Variants in NOTCH3 observed in about 807,000 individuals in gnomAD.
The protein encoded by NOTCH3 is notch receptor 3, also known as neurogenic locus notch homolog protein 3.
NOTCH3 carries 86 observed loss-of-function variants against 213.3 expected under a neutral mutation model. The ratio of observed to expected loss-of-function variants is 0.40; its 90% CI spans 0.34 to 0.48. The LOEUF (loss-of-function observed/expected upper bound fraction) is 0.48, where lower values mean the gene tolerates loss of function less well. NOTCH3 is among the 20% of genes least tolerant of loss of function. The pLI is 0.57. For missense variants in NOTCH3, 2,783 were observed against 3,272.6 expected, an observed-to-expected ratio of 0.85 and a Z score of 3.65; for synonymous variants, 1,354 against 1,355.9, an observed-to-expected ratio of 1.00 and a Z score of 0.03.
rs1289221347 is a variant in NOTCH3, at chr19:15,187,242, CAT to C, written c.1701_1702del (p.Ala569LeufsTer53). On this transcript the variant is annotated frameshift_variant, in exon 11 of 33. Transcript: ENST00000263388. LOFTEE classifies it high-confidence loss of function. ...GCCCGTGTAGCCAGGAGCACAGGCACATGAGAAGCTGGCGATGCCATCCACGC... is the reference window on the plus strand; with the variant it reads ...GCCCGTGTAGCCAGGAGCACAGGCACGAGAAGCTGGCGATGCCATCCACGC... 1 of 1,614,160 alleles carries C rather than the reference CAT, an allele frequency of 6.2e-7. No individual in the cohort carries two copies. The highest frequency in any genetic ancestry group is 1.1e-5 in the South Asian group (1 of 91,090).
At chr19:15,197,462 ACACAGGG>A in intron 2 of NOTCH3, 31 bp downstream of exon 2, 2 of 623,576 alleles carry the variant, frequency 3.2e-6, no homozygotes, top group Non-Finnish European at 5.6e-6. Context: ...CCGCCCCCAC[ACACAGGG>A]CCCACTGGTG....
chr19:15,160,937 G>T lies in NOTCH3; in HGVS notation c.6691C>A (p.Pro2231Thr). 1 of 1,598,058 alleles carries T rather than the reference G, an allele frequency of 6.3e-7. No homozygotes were observed. ...YPAAGAHSSPPKARFLRVPSE... is the reference protein window; with the variant it reads ...YPAAGAHSSPTKARFLRVPSE... ...GGAACCCGCAGGAAGCGGGCCTTTG[G>T]GGGGCTGCTGTGTGCCCCAGCCGCC... is the stretch of plus-strand genomic sequence containing the variant. The change falls in exon 33 of 33, where the codon CCA becomes ACA. Residue 2231 changes from proline (P) to threonine (T), a missense_variant. Pro to Thr is a conservative substitution (Grantham distance 38). Transcript: ENST00000263388.
chr19:15,191,311 G>C, intron 6 of NOTCH3, 113 bp downstream of exon 6: 1 of 974,598 alleles, frequency 1.0e-6, no homozygotes, highest in South Asian at 1.4e-5. Context: ...ATGATTACAG[G>C]CATGAGCCAC....
chr19:15,192,056 C>T lies in NOTCH3; in HGVS notation c.583G>A (p.Glu195Lys), dbSNP rs1599394696. The T allele has an allele frequency of 6.2e-7, 1 of 1,613,094 alleles. No individual in the cohort carries two copies. The stretch of plus-strand genomic sequence containing the variant: ...GGTGCACAGGGCACCGCGGGGTTCT[C>T]ACATAGTGGCCCTGTGTAGCCAGCT... ...CPAGYTGPLC[E>K]NPAVPCAPSP... is the part of the protein sequence containing the mutation. Residue 195 changes from glutamate to lysine, a missense_variant, in exon 4 of 33, where the codon GAG becomes AAG. Physicochemically the swap from Glu to Lys is moderately conservative, Grantham distance 56. This residue lies in a region of NOTCH3 where 708 missense variants were observed against 906.6 expected (regional missense o/e 0.78). Transcript: ENST00000263388.
At chr19:15,188,138 T>G (rs1029788773) in intron 9 of NOTCH3, 97 bp downstream of exon 9, 1 of 1,084,944 alleles carries the variant, frequency 9.2e-7, no homozygotes, top group Non-Finnish European at 1.4e-6. Context: ...GTTTCTATTG[T>G]AAGTTATCCG....
intron 31 of NOTCH3, among the ~76,000 whole-genome samples, chr19:15,163,270 T>C (rs984356119): frequency 6.6e-6 from 1 of 152,190 alleles, no homozygotes; most frequent in African/African-American, 2.4e-5. Context: ...GGGGAAAGAA[T>C]GGTCTTCTCA....
chr19:15,189,195 G>A (rs761878838), intron 7 of NOTCH3, 21 bp from the exon 8 acceptor site: 26 of 1,613,184 alleles, frequency 1.6e-5, no homozygotes, highest in Non-Finnish European at 2.0e-5. Context: ...GAGTGCGATC[G>A]GTGTGGGCGT....
intron 32 of NOTCH3, 69 bp downstream of exon 32, chr19:15,162,396 T>C: frequency 9.7e-7 from 1 of 1,025,770 alleles, no homozygotes. Context: ...TCTCACTCTG[T>C]TGCCCAGGCT....
chr19:15,180,227 C>T lies in NOTCH3; in HGVS notation c.3172G>A (p.Gly1058Ser). ...CTGTCTTCATCCACACACTGCCCAC[C>T]CGCCTGACACAGCTGCTCCAGCCGC... is the stretch of plus-strand genomic sequence containing the variant. ...GVRLEQLCQA[G>S]GQCVDEDSSH... Residue 1058 changes from glycine to serine, a missense_variant, in exon 20 of 33, where the codon GGT becomes AGT. Gly to Ser is a moderately conservative substitution (Grantham distance 56). Transcript: ENST00000263388. 1 of 1,613,784 alleles carries T rather than the reference C, an allele frequency of 6.2e-7. No individual in the cohort carries two copies. The highest frequency in any genetic ancestry group is 8.5e-7 in the Non-Finnish European group (1 of 1,180,012).
chr19:15,176,787 A>G (rs1009450299), intron 24 of NOTCH3, among the ~76,000 whole-genome samples: 1 of 146,542 alleles, frequency 6.8e-6, no homozygotes, highest in African/African-American at 2.6e-5. Context: ...AAAAAAAAAA[A>G]AGGAGCCAGG....
intron 17 of NOTCH3, 145 bp from the exon 18 acceptor site, chr19:15,181,307 A>G (rs1348872020): frequency 1.7e-5 from 14 of 817,230 alleles, no homozygotes; most frequent in Non-Finnish European, 4.1e-6. Context: ...GCAGAAGCCA[A>G]TCAGGTCCCT....
chr19:15,180,084 G>GC lies in NOTCH3; in HGVS notation c.3314dup (p.Tyr1106LeufsTer4). ...AGCGCCCCCTTACCTCACACATGTAGCCCCCCATATAGCCACGGCAGGTCC... is the reference window on the plus strand; with the variant it reads ...AGCGCCCCCTTACCTCACACATGTAGCCCCCCCATATAGCCACGGCAGGTCC... On this transcript the variant is annotated frameshift_variant, in exon 20 of 33. Coordinates refer to ENST00000263388, the MANE Select transcript of NOTCH3 (RefSeq NM_000435.3). LOFTEE classifies it high-confidence loss of function. The GC allele has an allele frequency of 2.5e-6, 4 of 1,609,520 alleles. No individual in the cohort carries two copies. The highest frequency in any genetic ancestry group is 3.4e-6 in the Non-Finnish European group (4 of 1,177,570).
rs1176015815 is a variant in NOTCH3 at position 15,170,678 on chromosome 19, G to A, written c.4884C>T (p.Asp1628=). Residue 1628 remains aspartate (D), a synonymous_variant, in exon 26 of 33, where the codon GAC becomes GAT. Coordinates refer to ENST00000263388, the MANE Select transcript of NOTCH3 (RefSeq NM_000435.3). ...ERLDFPYPLR[D]VRGEPLEPPE... ...CCCAAGGCAGGGCCGCACCCCGCAC[G>A]TCCCGCAGTGGGTACGGGAAGTCCA... is the stretch of plus-strand genomic sequence containing the variant. 1.5e-6 allele frequency: 2 copies of A among 1,355,868 alleles called. No homozygotes were observed. The highest frequency in any genetic ancestry group is 1.2e-5 in the South Asian group (1 of 82,460). The allele number at this position is 1,355,868 out of a possible 1,614,324, so 84.0% of individuals were successfully genotyped here.
Position 15,177,605 on chromosome 19 carries a change from G to C in NOTCH3, c.4323C>G (p.Arg1441=). ...LQCWRLFNNS[R]CDPACSSPAC... is the part of the protein sequence containing the mutation. ...CGGGCGAGCTGCAGGCGGGGTCGCAGCGGCTGTTGTTGAAGAGGCGCCAGC... is the reference window on the plus strand; with the variant it reads ...CGGGCGAGCTGCAGGCGGGGTCGCACCGGCTGTTGTTGAAGAGGCGCCAGC... The change falls in exon 24 of 33, where the codon CGC becomes CGG. Residue 1441 remains arginine, a synonymous_variant. Coordinates refer to ENST00000263388, the MANE Select transcript of NOTCH3 (RefSeq NM_000435.3). 1 of 1,596,710 alleles carries C rather than the reference G, an allele frequency of 6.3e-7. No homozygotes were observed.
chr19:15,189,015 C>T lies in NOTCH3; in HGVS notation c.1352G>A (p.Gly451Asp). ...TGCCATACAGATACAGGTGAACTGGCCTATGCGGTCGAGGCACGTGGCCTG... is the reference window on the plus strand; with the variant it reads ...TGCCATACAGATACAGGTGAACTGGTCTATGCGGTCGAGGCACGTGGCCTG... ...RNQATCLDRI[G>D]QFTCICMAGF... Residue 451 changes from glycine to aspartate, a missense_variant, in exon 8 of 33, where the codon GGC becomes GAC. This residue lies in a region of NOTCH3 where 708 missense variants were observed against 906.6 expected (regional missense o/e 0.78). Transcript: ENST00000263388. The T allele has an allele frequency of 6.2e-7, 1 of 1,611,806 alleles. No individual in the cohort carries two copies. Among genetic ancestry groups the T allele is most frequent in the South Asian group, 1.1e-5 (1 of 90,852 alleles).
In NOTCH3 at chr19:15,189,283, C is replaced by G; in HGVS notation, c.1182G>C (p.Glu394Asp). The G allele has an allele frequency of 6.2e-7, 1 of 1,614,098 alleles. No homozygotes were observed. The highest frequency in any genetic ancestry group is 8.5e-7 in the Non-Finnish European group (1 of 1,180,034). ...TGGACDQDVD[E>D]CSIGANPCEH... is the part of the protein sequence containing the mutation. ...TGGAGCTCCCCTCACCGATAGAGCA[C>G]TCGTCCACATCCTGGTCACATGCCC... Residue 394 changes from glutamate (E) to aspartate (D), a missense_variant, in exon 7 of 33, where the codon GAG (glutamate) becomes GAC (aspartate). Glu to Asp is a conservative substitution (Grantham distance 45, BLOSUM62 2). Coordinates refer to ENST00000263388, the MANE Select transcript of NOTCH3 (RefSeq NM_000435.3).
chr19:15,176,237 C>T (rs1482005719), intron 24 of NOTCH3, among the ~76,000 whole-genome samples: 2 of 146,830 alleles, frequency 1.4e-5, no homozygotes, highest in African/African-American at 5.1e-5. Context: ...GGCACGATCT[C>T]AGCTCACCTC....
intron 16 of NOTCH3, among the ~76,000 whole-genome samples, chr19:15,182,910 G>A (rs1163061285): frequency 6.6e-6 from 1 of 152,032 alleles, no homozygotes; most frequent in Non-Finnish European, 1.5e-5. Flanking sequence ...CCAAAGTGCT[G>A]GGATTACCGG....
chr19:15,180,176 C>T lies in NOTCH3; in HGVS notation c.3223G>A (p.Gly1075Ser), dbSNP rs1023734747. Residue 1075 changes from glycine (G) to serine (S), a missense_variant, in exon 20 of 33, where the codon GGC becomes AGC. Gly to Ser is a moderately conservative substitution (Grantham distance 56). Coordinates refer to ENST00000263388, the MANE Select transcript of NOTCH3 (RefSeq NM_000435.3). The part of the protein sequence containing the change: ...DSSHYCVCPE[G>S]RTGSHCEQEV... ...TGCTCACAGTGGCTACCAGTACGGC[C>T]CTCTGGGCACACGCAGTAGTGGGAG... The T allele has an allele frequency of 3.7e-6, 6 of 1,613,858 alleles. No homozygotes were observed. In the Admixed American group the frequency reaches 1.0e-4, roughly 27 times the overall value.
Sources: gnomAD v4.1 joint callset for allele counts (sites outside exome capture counted in the v4.1 genomes callset) on GRCh38, gnomAD v4.1.1 for gene constraint, gnomAD v4.1.1 regional missense constraint, MANE v1.5 for transcripts, NCBI Gene and HGNC (gene_info 2026-07-23, HGNC 2026-07-21) for gene names.